Variants in ERBB4 observed in about 807,000 individuals in gnomAD.
ERBB4 encodes receptor tyrosine-protein kinase erbB-4.
A neutral mutation model predicts 158.0 loss-of-function variants in ERBB4; 42 were observed. The ratio of observed to expected loss-of-function variants is 0.27; its 90% CI spans 0.21 to 0.34. ERBB4 has a LOEUF of 0.34. Ranked by LOEUF, ERBB4 falls within the 10% of genes least tolerant of loss-of-function variation. ERBB4 has a pLI of 1.00. For missense variants in ERBB4, 1,333 were observed against 1,624.1 expected, an observed-to-expected ratio of 0.82 and a Z score of 3.08; for synonymous variants, 583 against 558.7, an observed-to-expected ratio of 1.04 and a Z score of -0.61.
intron 1 of ERBB4, among the ~76,000 whole-genome samples, chr2:212,317,688 GC>G (rs1327397998): frequency 6.6e-6 from 1 of 151,530 alleles, no homozygotes; most frequent in Non-Finnish European, 1.5e-5. Flanking sequence ...CCAGTCCCAT[GC>G]TTTACAGATG....
intron 1 of ERBB4, among the ~76,000 whole-genome samples, chr2:212,494,995 T>C (rs753606077): frequency 1.3e-5 from 2 of 152,102 alleles, no homozygotes; most frequent in African/African-American, 2.4e-5. Context: ...CCAAAAATAC[T>C]TATAAAAATT....
At chr2:211,419,733 A>G (rs1321193266) in intron 25 of ERBB4, among the ~76,000 whole-genome samples, 2 of 152,076 alleles carry the variant, frequency 1.3e-5, no homozygotes, top group Admixed American at 6.5e-5. Context: ...CTAATGCTTC[A>G]CATACAGTGG....
intron 1 of ERBB4, among the ~76,000 whole-genome samples, chr2:212,438,514 A>T (rs2092185959): frequency 6.6e-6 from 1 of 152,144 alleles, no homozygotes; most frequent in Non-Finnish European, 1.5e-5. Flanking sequence ...AGTATGTGAT[A>T]TAATATGGGT....
chr2:212,121,518 C>T (rs947060403), intron 2 of ERBB4, among the ~76,000 whole-genome samples: 9 of 152,160 alleles, frequency 5.9e-5, no homozygotes, highest in African/African-American at 2.2e-4. Flanking sequence ...AAAGAGTATT[C>T]TGTTCTTGAA....
chr2:211,568,309 T>C (rs2067613509), intron 19 of ERBB4, among the ~76,000 whole-genome samples: 1 of 152,090 alleles, frequency 6.6e-6, no homozygotes, highest in African/African-American at 2.4e-5. Flanking sequence ...GAGGTATAGA[T>C]TAAAAAGCTC....
At chr2:212,353,752 G>A (rs1329945994) in intron 1 of ERBB4, among the ~76,000 whole-genome samples, 1 of 152,084 alleles carries the variant, frequency 6.6e-6, no homozygotes, top group Non-Finnish European at 1.5e-5. Context: ...GTAGAGTTAA[G>A]TGGGCACCAG....
At chr2:212,434,483 T>C (rs2092095147) in intron 1 of ERBB4, among the ~76,000 whole-genome samples, 1 of 151,788 alleles carries the variant, frequency 6.6e-6, no homozygotes, top group African/African-American at 2.4e-5. Flanking sequence ...TTTTCTCACA[T>C]AGACTCTCAG....
At chr2:211,764,133 A>G (rs1051686531) in intron 4 of ERBB4, among the ~76,000 whole-genome samples, 3 of 152,238 alleles carry the variant, frequency 2.0e-5, no homozygotes, top group Non-Finnish European at 4.4e-5. Flanking sequence ...GTTCATACAC[A>G]AAAAATAAAT....
At chr2:211,404,399 C>CA (rs2063106786) in intron 25 of ERBB4, among the ~76,000 whole-genome samples, 1 of 152,078 alleles carries the variant, frequency 6.6e-6, no homozygotes, top group Admixed American at 6.6e-5. Context: ...AGCTTCCTAA[C>CA]ACAGCCCTGC....
chr2:211,537,425 G>A (rs1029039247), intron 20 of ERBB4, among the ~76,000 whole-genome samples: 4 of 151,880 alleles, frequency 2.6e-5, no homozygotes, highest in Non-Finnish European at 5.9e-5. Context: ...ATTTAGTTTG[G>A]CAATGAGAGA....
chr2:211,450,323 A>C (rs142436364), intron 20 of ERBB4, among the ~76,000 whole-genome samples: 216 of 152,286 alleles, frequency 1.4e-3, no homozygotes, highest in African/African-American at 5.0e-3. Context: ...AAGAGTGATA[A>C]AAGTCCTTGG....
chr2:212,408,526 G>A (rs868335029), intron 1 of ERBB4, among the ~76,000 whole-genome samples: 7 of 152,102 alleles, frequency 4.6e-5, no homozygotes, highest in African/African-American at 7.2e-5. Context: ...GCCTGTAGTC[G>A]CAGCTACTTG....
chr2:211,496,848 C>G (rs1301152416), intron 20 of ERBB4, among the ~76,000 whole-genome samples: 1 of 152,108 alleles, frequency 6.6e-6, no homozygotes. Flanking sequence ...CCCCTACTTT[C>G]TTCATGCCTT....
intron 2 of ERBB4, among the ~76,000 whole-genome samples, chr2:212,102,228 TG>T (rs1330262505): frequency 6.6e-6 from 1 of 151,594 alleles, no homozygotes; most frequent in Non-Finnish European, 1.5e-5. Context: ...TGTTCAAAGC[TG>T]GTTTGCCTTT....
chr2:212,140,822 C>T (rs1425064675), intron 1 of ERBB4, among the ~76,000 whole-genome samples: 6 of 150,210 alleles, frequency 4.0e-5, no homozygotes. Context: ...ACCAATTTCC[C>T]ACCTGAATAG....
At chr2:211,593,337 G>A (rs2125797083) in intron 19 of ERBB4, among the ~76,000 whole-genome samples, 1 of 152,276 alleles carries the variant, frequency 6.6e-6, no homozygotes, top group South Asian at 2.1e-4. Flanking sequence ...ATTATTAACA[G>A]AAAGTGGAAA....
chr2:211,420,619 A>T lies in ERBB4; in HGVS notation c.2965-8T>A. ...CTTCATACGATCATCACCCTAAAAG[A>T]AAGATTGCCCATCAGACACAAATAT... On this transcript the variant is annotated splice_region_variant and splice_polypyrimidine_tract_variant and intron_variant, in intron 24 of 27. Transcript: ENST00000342788. 1.3e-6 allele frequency: 2 copies of T among 1,580,444 alleles called. No individual in the cohort carries two copies. Among genetic ancestry groups the T allele is most frequent in the Non-Finnish European group, 1.7e-6 (2 of 1,174,972 alleles).
chr2:212,136,812 G>A (rs1240683193), intron 1 of ERBB4, among the ~76,000 whole-genome samples: 3 of 152,124 alleles, frequency 2.0e-5, no homozygotes, highest in Non-Finnish European at 4.4e-5. Flanking sequence ...AAGAAGGGGT[G>A]TGGCAAACAA....
chr2:212,428,495 G>C (rs1004207182), intron 1 of ERBB4, among the ~76,000 whole-genome samples: 3 of 151,702 alleles, frequency 2.0e-5, no homozygotes, highest in Admixed American at 2.0e-4. Context: ...AGGGTGAAAT[G>C]ATAGTTGTCC....
Sources: gnomAD v4.1 joint callset for allele counts (sites outside exome capture counted in the v4.1 genomes callset) on GRCh38, gnomAD v4.1.1 for gene constraint, MANE v1.5 for transcripts, NCBI Gene and HGNC (gene_info 2026-07-23, HGNC 2026-07-21) for gene names.